The following ADAMTS6 variants were observed in gnomAD, a reference collection of about 807,000 sequenced individuals.
The protein encoded by ADAMTS6 is ADAM metallopeptidase with thrombospondin type 1 motif 6.
A neutral mutation model predicts 144.3 loss-of-function variants in ADAMTS6; 23 were observed. The ratio of observed to expected loss-of-function variants is 0.16; its 90% CI spans 0.11 to 0.23. The LOEUF (loss-of-function observed/expected upper bound fraction) is 0.23. Ranked by LOEUF, ADAMTS6 falls within the 10% of genes least tolerant of loss-of-function variation. The probability of loss-of-function intolerance (pLI) is 1.00; values close to 1 mark genes in which losing one functional copy is unlikely to be tolerated. For synonymous variants in ADAMTS6, 444 were observed against 457.5 expected, an observed-to-expected ratio of 0.97 and a Z score of 0.38; for missense variants, 999 against 1,379.6, an observed-to-expected ratio of 0.72 and a Z score of 4.37.
chr5:65,468,648 G>A (rs1424814683), intron 3 of ADAMTS6, among the ~76,000 whole-genome samples: 4 of 152,102 alleles, frequency 2.6e-5, no homozygotes, highest in Admixed American at 6.6e-5. Context: ...AATAAGAGAC[G>A]AAGTAAAATA....
At chr5:65,300,846 T>C (rs1479988431) in intron 9 of ADAMTS6, among the ~76,000 whole-genome samples, 1 of 152,104 alleles carries the variant, frequency 6.6e-6, no homozygotes, top group Non-Finnish European at 1.5e-5. Flanking sequence ...TTAGCCAGGA[T>C]GGTCTCGATC....
chr5:65,358,031 A>C (rs1749494598), intron 7 of ADAMTS6, among the ~76,000 whole-genome samples: 1 of 152,022 alleles, frequency 6.6e-6, no homozygotes, highest in African/African-American at 2.4e-5. Context: ...ACAAGAGAAG[A>C]AAATTACAGA....
chr5:65,430,874 A>G (rs551680210), intron 7 of ADAMTS6, among the ~76,000 whole-genome samples: 1 of 152,274 alleles, frequency 6.6e-6, no homozygotes, highest in East Asian at 1.9e-4. Context: ...ATCTCAACAG[A>G]CTTTTCTACT....
At chr5:65,192,394 A>G (rs1755070972) in intron 21 of ADAMTS6, among the ~76,000 whole-genome samples, 1 of 152,008 alleles carries the variant, frequency 6.6e-6, no homozygotes, top group African/African-American at 2.4e-5. Context: ...TCTTGGTCAC[A>G]ATATTATTAA....
chr5:65,190,122 T>C (rs1272585192), intron 21 of ADAMTS6, among the ~76,000 whole-genome samples: 1 of 152,228 alleles, frequency 6.6e-6, no homozygotes, highest in Non-Finnish European at 1.5e-5. Context: ...GTATTGTCTT[T>C]ACTTATAAAG....
At chr5:65,454,271 G>T (rs1455597536) in intron 4 of ADAMTS6, among the ~76,000 whole-genome samples, 3 of 152,132 alleles carry the variant, frequency 2.0e-5, no homozygotes, top group African/African-American at 7.2e-5. Context: ...CAGGTATTCT[G>T]TTACAGCAGC....
intron 24 of ADAMTS6, among the ~76,000 whole-genome samples, chr5:65,159,016 A>T (rs1752592846): frequency 6.6e-6 from 1 of 152,130 alleles, no homozygotes; most frequent in Non-Finnish European, 1.5e-5. Flanking sequence ...AGATGCCTGA[A>T]TTCCTTCATG....
chr5:65,434,598 G>C (rs1364491874), intron 7 of ADAMTS6, among the ~76,000 whole-genome samples: 2 of 152,150 alleles, frequency 1.3e-5, no homozygotes, highest in African/African-American at 4.8e-5. Flanking sequence ...GTTCATAACA[G>C]ATAAATACAC....
chr5:65,183,839 A>C (rs1754510833), intron 22 of ADAMTS6, among the ~76,000 whole-genome samples: 1 of 152,176 alleles, frequency 6.6e-6, no homozygotes, highest in African/African-American at 2.4e-5. Context: ...TGTGCATTAA[A>C]ATCTATTAGT....
chr5:65,370,282 C>T (rs1302332539), intron 7 of ADAMTS6, among the ~76,000 whole-genome samples: 4 of 152,170 alleles, frequency 2.6e-5, no homozygotes, highest in East Asian at 1.9e-4. Context: ...CCAAGATGGC[C>T]GAATAGAAAC....
chr5:65,284,851 A>C (rs1457862521), intron 11 of ADAMTS6, among the ~76,000 whole-genome samples: 3 of 152,124 alleles, frequency 2.0e-5, no homozygotes, highest in Non-Finnish European at 4.4e-5. Flanking sequence ...GGATTCTGCA[A>C]TCTTAAATCA....
At chr5:65,360,174 A>C (rs1405207630) in intron 7 of ADAMTS6, among the ~76,000 whole-genome samples, 1 of 152,194 alleles carries the variant, frequency 6.6e-6, no homozygotes, top group East Asian at 1.9e-4. Flanking sequence ...GGAAACGTAC[A>C]ATAATGGCAG....
intron 22 of ADAMTS6, among the ~76,000 whole-genome samples, chr5:65,177,021 G>T (rs573119876): frequency 8.5e-5 from 13 of 152,160 alleles, no homozygotes; most frequent in African/African-American, 3.1e-4. Flanking sequence ...TTTAGCACAG[G>T]TACCACCCCT....
At chr5:65,379,217 C>A (rs1751820893) in intron 7 of ADAMTS6, among the ~76,000 whole-genome samples, 2 of 152,132 alleles carry the variant, frequency 1.3e-5, no homozygotes, top group African/African-American at 4.8e-5. Flanking sequence ...GCAAAGAGGC[C>A]ATTTTTTATC....
At chr5:65,412,399 T>TACACACATACACACATGCAC (rs1476123404) in intron 7 of ADAMTS6, among the ~76,000 whole-genome samples, 8 of 151,964 alleles carry the variant, frequency 5.3e-5, no homozygotes, top group African/African-American at 1.9e-4. Context: ...CACACTTGCA[T>TACACACATACACACATGCAC]ACACACATAC....
chr5:65,232,595 T>C (rs971785209), intron 15 of ADAMTS6, among the ~76,000 whole-genome samples: 1 of 149,386 alleles, frequency 6.7e-6, no homozygotes, highest in African/African-American at 2.5e-5. Flanking sequence ...TTAGATAAAC[T>C]AGAAGAAATG....
intron 7 of ADAMTS6, among the ~76,000 whole-genome samples, chr5:65,390,830 T>C (rs1041063897): frequency 3.9e-5 from 6 of 152,198 alleles, no homozygotes; most frequent in Admixed American, 6.5e-5. Context: ...TTGGTGCTCA[T>C]AAAGAATCTC....
At chr5:65,341,046 T>C (rs542760155) in intron 7 of ADAMTS6, among the ~76,000 whole-genome samples, 1 of 151,960 alleles carries the variant, frequency 6.6e-6, no homozygotes, top group South Asian at 2.1e-4. Flanking sequence ...ACATCAGATG[T>C]TCAAGAAGAA....
chr5:65,375,712 A>G (rs1432694828), intron 7 of ADAMTS6, among the ~76,000 whole-genome samples: 2 of 152,166 alleles, frequency 1.3e-5, no homozygotes, highest in Non-Finnish European at 2.9e-5. Flanking sequence ...GCGATTCCTC[A>G]GGGATCTAGA....
Sources: gnomAD v4.1 joint callset for allele counts (sites outside exome capture counted in the v4.1 genomes callset) on GRCh38, gnomAD v4.1.1 for gene constraint, MANE v1.5 for transcripts, NCBI Gene and HGNC (gene_info 2026-07-23, HGNC 2026-07-21) for gene names.